Variants in FGF2 observed in about 807,000 individuals in gnomAD.
FGF2 encodes basic fibroblast growth factor bFGF.
FGF2 carries 13 observed loss-of-function variants against 15.9 expected under a neutral mutation model. That is an observed-to-expected ratio of 0.82 (90% CI 0.53 to 1.30). The LOEUF (loss-of-function observed/expected upper bound fraction) is 1.30. FGF2 is among the 50% of genes most tolerant of loss of function. FGF2 has a pLI of 0.00. For missense variants in FGF2, 163 were observed against 196.9 expected (o/e 0.83, Z 1.03); for synonymous variants, 90 against 78.4 (o/e 1.15, Z -0.78).
chr4:122,830,816 C>CAAA (rs35597051), intron 1 of FGF2, among the ~76,000 whole-genome samples: 22,650 of 92,404 alleles, frequency 0.25, 4,037 homozygotes, highest in East Asian at 0.76. Context: ...CTCTTATTTA[C>CAAA]AAAAAAAAAA....
intron 2 of FGF2, among the ~76,000 whole-genome samples, chr4:122,877,737 A>G (rs1192437373): frequency 6.6e-6 from 1 of 152,210 alleles, no homozygotes; most frequent in African/African-American, 2.4e-5. Flanking sequence ...AAAGGATCTA[A>G]CAGTACTAAG....
At position 122,827,438 on chromosome 4, in the gene FGF2, G is replaced by A; in HGVS notation, c.178+86G>A. The A allele has an allele frequency of 2.7e-6, 4 of 1,465,324 alleles. No individual in the cohort carries two copies. The South Asian group carries it at 3.5e-5, about 13-fold the overall frequency. The allele number at this position is 1,465,324 out of a possible 1,614,324, so 90.8% of individuals were successfully genotyped here. A position where few individuals can be genotyped will look rare whatever the true frequency, so the allele number is the denominator to read the frequency against. The stretch of plus-strand genomic sequence containing the variant: ...CCCCTCCAGCCTGCACCCTCCTCCC[G>A]GATCTTCACTGCGACCCTAGCGCTC... On this transcript the variant is annotated intron_variant, in intron 1 of 2. Coordinates refer to ENST00000644866, the MANE Select transcript of FGF2 (RefSeq NM_001361665.2). This position sits in a 1 kb window ranked among gnomAD's most constrained non-coding sequence, Gnocchi z 4.2.
chr4:122,871,308 A>G (rs1185664692), intron 1 of FGF2, among the ~76,000 whole-genome samples: 1 of 151,972 alleles, frequency 6.6e-6, no homozygotes, highest in East Asian at 1.9e-4. Context: ...GATTTGGGGT[A>G]GAGAGTTCTA....
At chr4:122,843,156 C>CAT (rs1726033870) in intron 1 of FGF2, among the ~76,000 whole-genome samples, 1 of 152,094 alleles carries the variant, frequency 6.6e-6, no homozygotes, top group Non-Finnish European at 1.5e-5. Context: ...ACAGTGAGAT[C>CAT]ATAGCAAGGA....
chr4:122,842,673 G>A (rs771885440), intron 1 of FGF2, among the ~76,000 whole-genome samples: 1 of 152,148 alleles, frequency 6.6e-6, no homozygotes, highest in African/African-American at 2.4e-5. Context: ...TGGTAACTAT[G>A]TTGGGTCTAG....
At chr4:122,860,445 A>G (rs1431243856) in intron 1 of FGF2, among the ~76,000 whole-genome samples, 2 of 119,082 alleles carry the variant, frequency 1.7e-5, no homozygotes, top group African/African-American at 5.3e-5. Context: ...CCCTAAGGTT[A>G]ACTTTTTTTT....
chr4:122,861,806 C>T (rs149884971), intron 1 of FGF2, among the ~76,000 whole-genome samples: 1 of 152,272 alleles, frequency 6.6e-6, no homozygotes, highest in Non-Finnish European at 1.5e-5. Context: ...GCTGGAAGTT[C>T]CTTAGATGTG....
At chr4:122,861,728 C>G (rs960430455) in intron 1 of FGF2, among the ~76,000 whole-genome samples, 1 of 152,120 alleles carries the variant, frequency 6.6e-6, no homozygotes, top group African/African-American at 2.4e-5. Flanking sequence ...TCTCCAGCCT[C>G]ATTTAGTCCC....
chr4:122,888,820 GT>G (rs1727109813), intron 2 of FGF2: 2 of 151,976 alleles, frequency 1.3e-5, no homozygotes, highest in South Asian at 4.1e-4. Context: ...ATTTTTCTAA[GT>G]TTTCTTATAT....
At chr4:122,866,378 A>AT (rs201950968) in intron 1 of FGF2, among the ~76,000 whole-genome samples, 31,447 of 151,598 alleles carry the variant, frequency 0.21, 3,457 homozygotes, top group East Asian at 0.45. Flanking sequence ...AAAAAAAAAA[A>AT]AAATAAATAA....
intron 1 of FGF2, among the ~76,000 whole-genome samples, chr4:122,869,620 T>C (rs1180330147): frequency 6.6e-6 from 1 of 152,222 alleles, no homozygotes; most frequent in African/African-American, 2.4e-5. Context: ...AGTTCATTCA[T>C]GATTTGGCTC....
At chr4:122,861,094 A>G (rs1726455489) in intron 1 of FGF2, among the ~76,000 whole-genome samples, 4 of 152,160 alleles carry the variant, frequency 2.6e-5, no homozygotes, top group Admixed American at 6.6e-5. Flanking sequence ...TACTTCTCCC[A>G]TAAATGTTGG....
In FGF2 at chr4:122,833,672, G is replaced by A. The variant is rs1372319373; in HGVS notation, c.178+6320G>A. ...AGAGAGTGCTCACTAAATGTCAGCT[G>A]ATGAGGAAAACATTCTCTGTGGAAC... On this transcript the variant is annotated intron_variant, in intron 1 of 2. Coordinates refer to ENST00000644866, the MANE Select transcript of FGF2 (RefSeq NM_001361665.2). Among the ~76,000 whole-genome samples, 72 of 152,238 alleles carry A rather than the reference G, an allele frequency of 4.7e-4. 1 individual carries two copies. Among genetic ancestry groups the A allele is most frequent in the African/African-American group, 1.7e-3 (71 of 41,540 alleles).
chr4:122,896,590 A>G lies in FGF2; in HGVS notation c.*4194A>G, dbSNP rs538748070. ...CCACTACAAAATCATCTTTTATATC[A>G]ACAGAAGAATAAGCATAAACTAAGC... On this transcript the variant is annotated 3_prime_UTR_variant, in exon 3 of 3. Transcript: ENST00000644866. The G allele has an allele frequency of 6.6e-6, 1 of 152,292 alleles. No individual in the cohort carries two copies. The highest frequency in any genetic ancestry group is 6.5e-5 in the Admixed American group (1 of 15,298). The allele number at this position is 152,292 out of a possible 1,614,324, so 9.4% of individuals were successfully genotyped here. A position where few individuals can be genotyped will look rare whatever the true frequency, so the allele number is the denominator to read the frequency against.
Position 122,864,901 on chromosome 4 carries a change from A to G in FGF2, c.179-11420A>G, listed in dbSNP as rs142735371. ...GTTTTAAAGTTTTAACAATGCAAACATTGTTACATGCTTATTATAAAGGTA... is the reference window on the plus strand; with the variant it reads ...GTTTTAAAGTTTTAACAATGCAAACGTTGTTACATGCTTATTATAAAGGTA... On this transcript the variant is annotated intron_variant, in intron 1 of 2. Coordinates refer to ENST00000644866, the MANE Select transcript of FGF2 (RefSeq NM_001361665.2). Among the ~76,000 whole-genome samples the G allele has an allele frequency of 2.0e-5, 3 of 152,336 alleles. No individual in the cohort carries two copies. In the East Asian group the frequency reaches 5.8e-4, roughly 29 times the overall value.
intron 1 of FGF2, among the ~76,000 whole-genome samples, chr4:122,853,886 A>G (rs1328190841): frequency 6.6e-6 from 1 of 152,232 alleles, no homozygotes; most frequent in Non-Finnish European, 1.5e-5. Flanking sequence ...GTTCTTATAT[A>G]TTAAATGGAG....
chr4:122,847,665 C>T (rs975812469), intron 1 of FGF2, among the ~76,000 whole-genome samples: 1 of 151,710 alleles, frequency 6.6e-6, no homozygotes, highest in Non-Finnish European at 1.5e-5. Context: ...TATCTATCTA[C>T]CTACCTACCT....
At chr4:122,888,334 G>C (rs974987586) in intron 2 of FGF2, among the ~76,000 whole-genome samples, 1 of 152,068 alleles carries the variant, frequency 6.6e-6, no homozygotes, top group African/African-American at 2.4e-5. Context: ...CTGTATTACT[G>C]AATAACCCTT....
chr4:122,830,128 C>T (rs983835688), intron 1 of FGF2, among the ~76,000 whole-genome samples: 2 of 152,140 alleles, frequency 1.3e-5, no homozygotes, highest in African/African-American at 4.8e-5. Flanking sequence ...GTTTTCTAAA[C>T]TGCAGGTAAC....
Sources: allele counts gnomAD v4.1 joint callset (sites outside exome capture counted in the v4.1 genomes callset), GRCh38; gene constraint gnomAD v4.1.1; non-coding constraint Gnocchi (gnomAD v3.1); transcripts MANE v1.5; gene names NCBI Gene and HGNC (gene_info 2026-07-23, HGNC 2026-07-21).